The following EXOC3L2 variants were observed in gnomAD, a reference collection of about 807,000 sequenced individuals.
EXOC3L2 encodes exocyst complex component 3-like protein 2.
In EXOC3L2, 17 loss-of-function variants were observed where a neutral mutation model predicts 44.4. That is an observed-to-expected ratio of 0.38 (90% confidence interval 0.26 to 0.57). EXOC3L2 has a LOEUF of 0.57. Ranked by LOEUF, EXOC3L2 falls within the 20% of genes least tolerant of loss-of-function variation. EXOC3L2 has a pLI of 0.65. For missense variants in EXOC3L2, 541 were observed against 588.4 expected, an observed-to-expected ratio of 0.92 and a Z score of 0.83; for synonymous variants, 256 against 253.7, an observed-to-expected ratio of 1.01 and a Z score of -0.09.
intron 8 of EXOC3L2, among the ~76,000 whole-genome samples, chr19:45,221,435 T>G (rs1969897068): frequency 6.6e-6 from 1 of 151,984 alleles, no homozygotes; most frequent in Non-Finnish European, 1.5e-5. Flanking sequence ...CACTGCAACT[T>G]CTGCCTCCCA....
intron 2 of EXOC3L2, among the ~76,000 whole-genome samples, chr19:45,236,640 C>T (rs1183506099): frequency 1.3e-5 from 2 of 151,490 alleles, no homozygotes; most frequent in African/African-American, 2.4e-5. Context: ...GAGGAGGTTG[C>T]GTTTGGAGTT....
At chr19:45,245,104 G>C (rs73036519) in intron 1 of EXOC3L2, among the ~76,000 whole-genome samples, 44,068 of 151,426 alleles carry the variant, frequency 0.29, 6,762 homozygotes, top group African/African-American at 0.34. Context: ...TGCACCCTTT[G>C]TGGACCCCGC....
In EXOC3L2 at chr19:45,228,261, C is replaced by T. The variant is rs1158565341; in HGVS notation, c.1275G>A (p.Gln425=). Residue 425 remains glutamine, a synonymous_variant, in exon 5 of 12, where the codon CAG becomes CAA. Coordinates refer to ENST00000413988, the MANE Select transcript of EXOC3L2 (RefSeq NM_001382422.1). ...EDECVTDVKA[Q]TRAALLRVLQ... ...GCACACGGAGAAGGGCAGCCCGGGTCTGAGCCTACAGTAGGGAGAGGGGAG... is the reference window on the plus strand; with the variant it reads ...GCACACGGAGAAGGGCAGCCCGGGTTTGAGCCTACAGTAGGGAGAGGGGAG... 2.5e-6 allele frequency: 4 copies of T among 1,613,894 alleles called. No homozygotes were observed. In the African/African-American group the frequency reaches 5.3e-5, roughly 22 times the overall value.
Position 45,224,761 on chromosome 19 carries a change from C to A in EXOC3L2, c.1719+17G>T. On this transcript the variant is annotated intron_variant, in intron 8 of 11. Coordinates refer to ENST00000413988, the MANE Select transcript of EXOC3L2 (RefSeq NM_001382422.1). ...GTCCTGGCATGGGCCCCAACCCTGG[C>A]CTCCCACCTCACTCACCTGCAGCTC... 1 of 1,546,968 alleles carries A rather than the reference C, an allele frequency of 6.5e-7. No homozygotes were observed. Among genetic ancestry groups the A allele is most frequent in the Non-Finnish European group, 8.7e-7 (1 of 1,144,674 alleles).
Position 45,212,808 on chromosome 19 carries a change from C to T in EXOC3L2, c.*261G>A. On this transcript the variant is annotated 3_prime_UTR_variant, in exon 12 of 12. Coordinates refer to ENST00000413988, the MANE Select transcript of EXOC3L2 (RefSeq NM_001382422.1). ...AGGGGGCAGGTCTCACTATGTTGCC[C>T]AGGCTGGTCTTGAACTCCTGGGCTC... 2.4e-6 allele frequency: 1 copy of T among 410,634 alleles called. No homozygotes were observed. The highest frequency in any genetic ancestry group is 4.3e-6 in the Non-Finnish European group (1 of 234,996). The allele number at this position is 410,634 out of a possible 1,614,324, so 25.4% of individuals were successfully genotyped here. A position where few individuals can be genotyped will look rare whatever the true frequency, so the allele number is the denominator to read the frequency against.
chr19:45,220,882 G>A (rs1969889221), intron 8 of EXOC3L2, among the ~76,000 whole-genome samples: 1 of 151,846 alleles, frequency 6.6e-6, no homozygotes, highest in African/African-American at 2.4e-5. Flanking sequence ...GGGAGGGGAT[G>A]AAAGGGGGTG....
chr19:45,227,591 G>A (rs908542302), intron 7 of EXOC3L2, 71 bp downstream of exon 7: 1 of 1,347,902 alleles, frequency 7.4e-7, no homozygotes, highest in African/African-American at 1.4e-5. Context: ...TCCCCACCCA[G>A]GATCCGGGCA....
At chr19:45,221,941 C>T (rs185288032) in intron 8 of EXOC3L2, among the ~76,000 whole-genome samples, 15 of 151,782 alleles carry the variant, frequency 9.9e-5, no homozygotes, top group South Asian at 2.1e-4. Context: ...TGAGCCACCA[C>T]GCCCGGCCAG....
intron 4 of EXOC3L2, among the ~76,000 whole-genome samples, 188 bp from the exon 5 acceptor site, chr19:45,228,454 C>T (rs1258294197): frequency 6.6e-6 from 1 of 152,036 alleles, no homozygotes; most frequent in Admixed American, 6.6e-5. Flanking sequence ...CTTCCCACTC[C>T]TAACTCTGTG....
At position 45,238,609 on chromosome 19, in the gene EXOC3L2, G is replaced by A. The variant is rs1355122517; in HGVS notation, c.437C>T (p.Ala146Val). The change falls in exon 2 of 12, where the codon GCT becomes GTT. Residue 146 changes from alanine (A) to valine (V), a missense_variant. Transcript: ENST00000413988. The surrounding 1 kb of genome is among the most constrained non-coding windows in gnomAD (Gnocchi z 5.5). Reference protein sequence around the residue: ...RGSKPQRASLAERVVPAGEAA... With the variant: ...RGSKPQRASLVERVVPAGEAA... ...CTCGCCTGCAGGCACCACTCTCTCA[G>A]CCAGGGACGCACGCTGGGGCTTGGA... 7.5e-6 allele frequency: 3 copies of A among 399,290 alleles called. No individual in the cohort carries two copies. The highest frequency in any genetic ancestry group is 8.8e-6 in the Non-Finnish European group (2 of 226,150). 24.7% of individuals were successfully genotyped at this position (399,290 alleles called of 1,614,324 possible).
At chr19:45,240,649 A>G (rs998323148) in intron 1 of EXOC3L2, among the ~76,000 whole-genome samples, 10 of 152,156 alleles carry the variant, frequency 6.6e-5, no homozygotes, top group Non-Finnish European at 1.5e-4. Context: ...TAATCCCAGC[A>G]CTTTGGGAGG....
At position 45,238,713 on chromosome 19, in the gene EXOC3L2, A is replaced by G. The variant is rs1458188850; in HGVS notation, c.333T>C (p.His111=). The G allele has an allele frequency of 1.8e-5, 7 of 399,002 alleles. No individual in the cohort carries two copies. Among genetic ancestry groups the G allele is most frequent in the East Asian group, 1.4e-4 (4 of 28,068 alleles). 24.7% of individuals were successfully genotyped at this position (399,002 alleles called of 1,614,324 possible). A position where few individuals can be genotyped will look rare whatever the true frequency, so the allele number is the denominator to read the frequency against. The change falls in exon 2 of 12, where the codon CAT becomes CAC. Residue 111 remains histidine, a synonymous_variant. Coordinates refer to ENST00000413988, the MANE Select transcript of EXOC3L2 (RefSeq NM_001382422.1). The surrounding 1 kb of genome is among the most constrained non-coding windows in gnomAD (Gnocchi z 5.5). ...CCTCGTCGCCGTGGGCTCGGGTCCC[A>G]TGCAGCCGGGCCAGGAGGCCAAAAT... is the stretch of plus-strand genomic sequence containing the variant. ...SADFGLLARL[H]GTRAHGDEEA...
In EXOC3L2 at chr19:45,234,270, C is replaced by T; in HGVS notation, c.1080G>A (p.Leu360=). ...GCAGCCTGCGACGGGCGGAGGCCCC[C>T]AGCCACTCGGCCAGGGCCCCGTGGT... ...RGYHGALAEW[L]GASARRRLPL... The change falls in exon 3 of 12, where the codon CTG becomes CTA. Residue 360 remains leucine, a synonymous_variant. Transcript: ENST00000413988. The surrounding 1 kb of genome is among the most constrained non-coding windows in gnomAD (Gnocchi z 5.0). The T allele has an allele frequency of 2.5e-6, 1 of 395,474 alleles. No homozygotes were observed. The highest frequency in any genetic ancestry group is 4.5e-6 in the Non-Finnish European group (1 of 223,946). The allele number at this position is 395,474 out of a possible 1,614,324, so 24.5% of individuals were successfully genotyped here.
At chr19:45,237,955 C>G (rs1046263671) in intron 2 of EXOC3L2, among the ~76,000 whole-genome samples, 1 of 151,980 alleles carries the variant, frequency 6.6e-6, no homozygotes, top group Non-Finnish European at 1.5e-5. Flanking sequence ...ACCAGCCTGG[C>G]CAACATGATG....
At chr19:45,244,954 C>T (rs902209932) in intron 1 of EXOC3L2, among the ~76,000 whole-genome samples, 16 of 151,862 alleles carry the variant, frequency 1.1e-4, no homozygotes, top group East Asian at 1.9e-4. Context: ...CTCCCATCTC[C>T]GAGACCCCAT....
At chr19:45,237,481 C>G (rs1004902664) in intron 2 of EXOC3L2, among the ~76,000 whole-genome samples, 3 of 151,764 alleles carry the variant, frequency 2.0e-5, no homozygotes, top group African/African-American at 7.3e-5. Context: ...AGCCTCTAGC[C>G]TGAGTGATAG....
intron 1 of EXOC3L2, among the ~76,000 whole-genome samples, chr19:45,243,756 A>G (rs573896417): frequency 7.7e-4 from 117 of 152,166 alleles, no homozygotes; most frequent in African/African-American, 2.8e-3. Context: ...CAGCCTCCCA[A>G]GTAGCTGGGA....
Position 45,217,620 on chromosome 19 carries a change from GC to G in EXOC3L2, c.1905del (p.Arg636AlafsTer160). On this transcript the variant is annotated frameshift_variant, in exon 10 of 12. Coordinates refer to ENST00000413988, the MANE Select transcript of EXOC3L2 (RefSeq NM_001382422.1). LOFTEE classifies it high-confidence loss of function. Reference sequence around the variant, plus strand: ...GTCCGCGCCGAGCTGCAGCGCAGGCGCCCACGGAGCAGGGGCCGCACGTACT... The same window carrying G: ...GTCCGCGCCGAGCTGCAGCGCAGGCGCCACGGAGCAGGGGCCGCACGTACT... ...LVEYVRPLLRGRLRCSSARTR... is the reference protein window; with the variant it reads ...LVEYVRPLLRXRLRCSSARTR... The G allele has an allele frequency of 6.7e-7, 1 of 1,496,898 alleles. No homozygotes were observed. The highest frequency in any genetic ancestry group is 2.6e-5 in the East Asian group (1 of 38,520). The allele number at this position is 1,496,898 out of a possible 1,614,324, so 92.7% of individuals were successfully genotyped here.
At chr19:45,239,855 C>T (rs1026218743) in intron 1 of EXOC3L2, among the ~76,000 whole-genome samples, 2 of 151,924 alleles carry the variant, frequency 1.3e-5, no homozygotes, top group African/African-American at 4.8e-5. Context: ...TCCTCCTACT[C>T]CGTGGAGAAA....
Sources: gnomAD v4.1 joint callset for allele counts (sites outside exome capture counted in the v4.1 genomes callset) on GRCh38, gnomAD v4.1.1 for gene constraint, Gnocchi (gnomAD v3.1) non-coding constraint, MANE v1.5 for transcripts, NCBI Gene and HGNC (gene_info 2026-07-23, HGNC 2026-07-21) for gene names.